DMD: variants seen among roughly 807,000 people sequenced by gnomAD.
DMD encodes the protein mutant dystrophin.
DMD carries 63 observed loss-of-function variants against 330.1 expected under a neutral mutation model. That is an observed-to-expected ratio of 0.19 (90% CI 0.16 to 0.24). The LOEUF is 0.24. Among genes scored for constraint, DMD ranks in the 10% least tolerant of loss-of-function variants. The pLI is 1.00. For missense variants in DMD, 3,344 were observed against 2,684.1 expected (o/e 1.25, Z -5.43); for synonymous variants, 1,223 against 959.8 (o/e 1.27, Z -5.07).
At chrX:33,168,865 AT>A (rs909408132) in intron 1 of DMD, among the ~76,000 whole-genome samples, 1 of 110,733 alleles carries the variant, frequency 9.0e-6, no homozygotes, top group Non-Finnish European at 1.9e-5. Context: ...AGGATTGAGA[AT>A]TTCAAATAAA....
At chrX:32,768,588 A>AT (rs1296448503) in intron 7 of DMD, among the ~76,000 whole-genome samples, 1 of 111,904 alleles carries the variant, frequency 8.9e-6, no homozygotes, top group African/African-American at 3.2e-5. Flanking sequence ...AGAATGTATC[A>AT]TTTTTTTCTA....
intron 29 of DMD, among the ~76,000 whole-genome samples, chrX:32,419,775 G>C (rs750669053): frequency 7.6e-4 from 85 of 111,909 alleles, no homozygotes; most frequent in Non-Finnish European, 1.1e-3. Context: ...GGTTACTGAA[G>C]TTCTTCTGTG....
chrX:32,692,748 G>A (rs1031436915), intron 9 of DMD, among the ~76,000 whole-genome samples: 1 of 111,644 alleles, frequency 9.0e-6, no homozygotes, highest in Non-Finnish European at 1.9e-5. Context: ...TTATAAATCA[G>A]AATCCAGGCT....
At chrX:32,904,756 G>T (rs1012970358) in intron 2 of DMD, among the ~76,000 whole-genome samples, 1 of 110,876 alleles carries the variant, frequency 9.0e-6, no homozygotes, top group South Asian at 3.9e-4. Context: ...TTGTATTTTT[G>T]GTAGAGACAG....
At chrX:32,818,688 C>A (rs1473230555) in intron 5 of DMD, among the ~76,000 whole-genome samples, 1 of 111,514 alleles carries the variant, frequency 9.0e-6, no homozygotes, top group Non-Finnish European at 1.9e-5. Context: ...GGTGCACCAC[C>A]AAGATTGACC....
chrX:32,661,410 A>T (rs1387462569), intron 9 of DMD, among the ~76,000 whole-genome samples: 2 of 111,183 alleles, frequency 1.8e-5, no homozygotes, highest in South Asian at 7.5e-4. Flanking sequence ...TGATTCATAA[A>T]GGTTAGAAAC....
intron 44 of DMD, among the ~76,000 whole-genome samples, chrX:32,120,596 C>A (rs1014875772): frequency 8.9e-6 from 1 of 111,867 alleles, no homozygotes; most frequent in Non-Finnish European, 1.9e-5. Flanking sequence ...TCAACACATT[C>A]GTGAGCATAA....
chrX:32,727,443 C>T (rs1486633735), intron 7 of DMD, among the ~76,000 whole-genome samples: 1 of 111,018 alleles, frequency 9.0e-6, no homozygotes, highest in Non-Finnish European at 1.9e-5. Flanking sequence ...GACTAGACCA[C>T]CTTCTAAATT....
chrX:32,385,739 TAC>T (rs1031629203), intron 33 of DMD, among the ~76,000 whole-genome samples: 1 of 110,235 alleles, frequency 9.1e-6, no homozygotes, highest in African/African-American at 3.3e-5. Context: ...CAAAAATAAT[TAC>T]AGAGACGTAG....
chrX:32,970,915 A>G lies in DMD; in HGVS notation c.93+49224T>C, dbSNP rs751283719. ...GGCAACCATTTTCTATTACTTTTCTATATTCACTTTTTTCCTATTATTTAC... is the reference window on the plus strand; with the variant it reads ...GGCAACCATTTTCTATTACTTTTCTGTATTCACTTTTTTCCTATTATTTAC... On this transcript the variant is annotated intron_variant, in intron 2 of 78. Transcript: ENST00000357033. Among the ~76,000 whole-genome samples, 8 of 68,633 alleles carry G rather than the reference A, an allele frequency of 1.2e-4. 1 individual carries two copies. Among genetic ancestry groups the G allele is most frequent in the Non-Finnish European group, 1.6e-4 (6 of 38,617 alleles). The allele number at this position is 68,633 out of a possible 115,157, so 59.6% of individuals were successfully genotyped here. A position where few individuals can be genotyped will look rare whatever the true frequency, so the allele number is the denominator to read the frequency against.
intron 48 of DMD, among the ~76,000 whole-genome samples, chrX:31,847,921 A>G (rs989482212): frequency 1.7e-4 from 19 of 112,075 alleles, no homozygotes; most frequent in Admixed American, 1.0e-3. Flanking sequence ...GCTGCAATTG[A>G]GAGAGATTAG....
intron 11 of DMD, among the ~76,000 whole-genome samples, chrX:32,638,339 G>C (rs1371072065): frequency 8.9e-6 from 1 of 111,954 alleles, no homozygotes; most frequent in African/African-American, 3.2e-5. Flanking sequence ...CACGTCACTT[G>C]ATAGAAAAAT....
chrX:31,571,167 T>A (rs2075791609), intron 55 of DMD, among the ~76,000 whole-genome samples: 1 of 111,148 alleles, frequency 9.0e-6, no homozygotes, highest in South Asian at 3.8e-4. Flanking sequence ...AAGTAGAATG[T>A]CCCATCAGAT....
rs775492862 is a variant in DMD, at chrX:31,448,404, C to A, written c.8938-3777G>T. Among the ~76,000 whole-genome samples, 28 of 112,232 alleles carry A rather than the reference C, an allele frequency of 2.5e-4. No individual in the cohort carries two copies. In the East Asian group the frequency reaches 6.7e-3, roughly 27 times the overall value. Reference sequence around the variant, plus strand: ...TGGGCTCTCAGTGCCCAGCAGCATACATAACAAGAAGTATGGCCGCCTAAA... The same window carrying A: ...TGGGCTCTCAGTGCCCAGCAGCATAAATAACAAGAAGTATGGCCGCCTAAA... On this transcript the variant is annotated intron_variant, in intron 59 of 78. Coordinates refer to ENST00000357033, the MANE Select transcript of DMD (RefSeq NM_004006.3).
intron 2 of DMD, among the ~76,000 whole-genome samples, chrX:32,850,102 A>C (rs374913710): frequency 1.5e-4 from 17 of 111,976 alleles, no homozygotes; most frequent in Admixed American, 1.3e-3. Context: ...AGATTCTATG[A>C]AGGAGAGAAA....
rs754870790 is a variant in DMD, at chrX:33,066,461, A to AAAAAAAGGAAGG, written c.32-46262_32-46261insCCTTCCTTTTTT. Among the ~76,000 whole-genome samples, 43 of 84,200 alleles carry AAAAAAAGGAAGG rather than the reference A, an allele frequency of 5.1e-4. 1 individual carries two copies. The highest frequency in any genetic ancestry group is 1.4e-3 in the African/African-American group (27 of 18,742). 73.1% of individuals were successfully genotyped at this position (84,200 alleles called of 115,157 possible). On this transcript the variant is annotated intron_variant, in intron 1 of 78. Transcript: ENST00000357033. ...GAGACTCTGTCAAAAAAAAAAAAAA[A>AAAAAAAGGAAGG]AAGGAAGGAAGGAAGGAAAAAGAAA...
At chrX:32,729,074 G>A (rs2067224124) in intron 7 of DMD, among the ~76,000 whole-genome samples, 1 of 112,117 alleles carries the variant, frequency 8.9e-6, no homozygotes, top group Non-Finnish European at 1.9e-5. Context: ...AAGCAAGTAA[G>A]TTCAATACAG....
intron 1 of DMD, among the ~76,000 whole-genome samples, chrX:33,117,940 C>CA (rs1445294031): frequency 9.0e-6 from 1 of 110,972 alleles, no homozygotes; most frequent in African/African-American, 3.3e-5. Flanking sequence ...ATAGGTTCAC[C>CA]ATTAGAGATC....
At chrX:33,000,138 A>C (rs2147405149) in intron 2 of DMD, among the ~76,000 whole-genome samples, 1 of 111,934 alleles carries the variant, frequency 8.9e-6, no homozygotes, top group Non-Finnish European at 1.9e-5. Flanking sequence ...GCTTTGGAGT[A>C]TTGAAAGGAG....
Sources: gnomAD v4.1 joint callset for allele counts (sites outside exome capture counted in the v4.1 genomes callset) on GRCh38, gnomAD v4.1.1 for gene constraint, MANE v1.5 for transcripts, NCBI Gene and HGNC (gene_info 2026-07-23, HGNC 2026-07-21) for gene names.